Variants in SLC15A3 observed in about 807,000 individuals in gnomAD.
SLC15A3 encodes solute carrier family 15 member 3.
In SLC15A3, 39 loss-of-function variants were observed where a neutral mutation model predicts 49.2. That is an observed-to-expected ratio of 0.79 (90% CI 0.61 to 1.04). The LOEUF (loss-of-function observed/expected upper bound fraction) is 1.04, where lower values mean the gene tolerates loss of function less well. SLC15A3 is among the 50% of genes least tolerant of loss of function. The pLI, the probability that SLC15A3 is intolerant of heterozygous loss-of-function variation, is 0.00. For missense variants in SLC15A3, 758 were observed against 794.8 expected (o/e 0.95, Z 0.56); for synonymous variants, 339 against 367.0 (o/e 0.92, Z 0.87).
rs1378204369 is a variant in SLC15A3, at chr11:60,951,537, G to A, written c.15C>T (p.Arg5=). Residue 5 remains arginine (R), a synonymous_variant, in exon 1 of 8, where the codon CGC becomes CGT. Transcript: ENST00000227880. ...CGGGCACGCGGGGCTGCTCCCGGGC[G>A]CGCGGCGCGGGCATCCTGGCTCCGG... MPAP[R]AREQPRVPGE... is the part of the protein sequence containing the mutation. The A allele has an allele frequency of 5.2e-6, 6 of 1,145,020 alleles. No individual in the cohort carries two copies. The highest frequency in any genetic ancestry group is 6.4e-6 in the Non-Finnish European group (6 of 931,192). 70.9% of individuals were successfully genotyped at this position (1,145,020 alleles called of 1,614,324 possible).
chr11:60,944,354 A>G (rs2134932571), intron 2 of SLC15A3, among the ~76,000 whole-genome samples: 1 of 152,288 alleles, frequency 6.6e-6, no homozygotes, highest in Non-Finnish European at 1.5e-5. Context: ...CAAGGCCAGC[A>G]TCCTTACTAT....
intron 7 of SLC15A3, 111 bp downstream of exon 7, chr11:60,937,759 G>A: frequency 7.3e-7 from 1 of 1,371,542 alleles, no homozygotes; most frequent in Non-Finnish European, 9.9e-7. Flanking sequence ...ATTCTCCCAA[G>A]TCTAGCCCTC....
At position 60,951,030 on chromosome 11, in the gene SLC15A3, G is replaced by A. The variant is rs1856907339; in HGVS notation, c.522C>T (p.Ser174=). Residue 174 remains serine (S), a synonymous_variant, in exon 1 of 8, where the codon TCC becomes TCT. Coordinates refer to ENST00000227880, the MANE Select transcript of SLC15A3 (RefSeq NM_016582.3). The part of the protein sequence containing the change: ...GLLLLGLAAS[S]VRSNLTSFGA... ...CGAAGGAGGTGAGGTTGCTCCGGAC[G>A]GAGCTGGCGGCCAGGCCGAGTAGCA... The A allele has an allele frequency of 1.0e-5, 15 of 1,496,310 alleles. No individual in the cohort carries two copies. Among genetic ancestry groups the A allele is most frequent in the Non-Finnish European group, 1.2e-5 (14 of 1,130,118 alleles). The allele number at this position is 1,496,310 out of a possible 1,614,324, so 92.7% of individuals were successfully genotyped here.
At position 60,940,866 on chromosome 11, in the gene SLC15A3, C is replaced by T. The variant is rs1329740190; in HGVS notation, c.1276+256G>A. 5 of 358,262 alleles carry T rather than the reference C, an allele frequency of 1.4e-5. No homozygotes were observed. In the South Asian group the frequency reaches 3.3e-4, roughly 24 times the overall value. 22.2% of individuals were successfully genotyped at this position (358,262 alleles called of 1,614,324 possible). ...AATAAAAAAAGAAAAACTATCTCTG[C>T]CTTCAAGGAGCTGATAATTCACTGG... On this transcript the variant is annotated intron_variant, in intron 5 of 7. Coordinates refer to ENST00000227880, the MANE Select transcript of SLC15A3 (RefSeq NM_016582.3).
chr11:60,948,036 T>C (rs1008031919), intron 1 of SLC15A3, among the ~76,000 whole-genome samples: 1 of 152,242 alleles, frequency 6.6e-6, no homozygotes, highest in African/African-American at 2.4e-5. Flanking sequence ...CAGGATCCAT[T>C]ACTGCCTTTC....
chr11:60,939,160 T>C (rs1017638255), intron 6 of SLC15A3, among the ~76,000 whole-genome samples: 1 of 152,192 alleles, frequency 6.6e-6, no homozygotes, highest in Non-Finnish European at 1.5e-5. Context: ...ATATTGGAGT[T>C]CACCTTCAGT....
intron 1 of SLC15A3, among the ~76,000 whole-genome samples, chr11:60,948,497 C>A (rs1856837276): frequency 6.6e-6 from 1 of 152,184 alleles, no homozygotes; most frequent in Non-Finnish European, 1.5e-5. Flanking sequence ...TAGCTGTTGC[C>A]AGATGGTGCC....
intron 1 of SLC15A3, 72 bp from the exon 2 acceptor site, chr11:60,946,893 T>C: frequency 6.7e-7 from 1 of 1,494,234 alleles, no homozygotes; most frequent in Non-Finnish European, 8.9e-7. Flanking sequence ...TACCCCTCCC[T>C]CCTACAGAGA....
chr11:60,948,471 C>T (rs547553645), intron 1 of SLC15A3, among the ~76,000 whole-genome samples: 45 of 152,322 alleles, frequency 3.0e-4, no homozygotes, highest in South Asian at 6.2e-4. Context: ...ATGTGAAACA[C>T]GCAGCTCCTG....
In SLC15A3 at chr11:60,951,201, C is replaced by T; in HGVS notation, c.351G>A (p.Leu117=). The T allele has an allele frequency of 6.7e-7, 1 of 1,500,556 alleles. No individual in the cohort carries two copies. The highest frequency in any genetic ancestry group is 8.8e-7 in the Non-Finnish European group (1 of 1,131,808). 93.0% of individuals were successfully genotyped at this position (1,500,556 alleles called of 1,614,324 possible). ...CGTCGGGGAAGGCGGTGGCGGGCAG[C>T]AGGCCCGAGGCGGCCAGGTAGAGCA... ...SLLLYLAASG[L]LPATAFPDGR... The change falls in exon 1 of 8, where the codon CTG becomes CTA. Residue 117 remains leucine (L), a synonymous_variant. Transcript: ENST00000227880.
chr11:60,941,112 CT>C lies in SLC15A3; in HGVS notation c.1276+9del. On this transcript the variant is annotated intron_variant, in intron 5 of 7. Transcript: ENST00000227880. ...AAGTTCAGCCCCCTGCCCCACACCC[CT>C]CTGCACACCTGCCACAATGACGGAG... The C allele has an allele frequency of 1.2e-6, 2 of 1,610,542 alleles. No individual in the cohort carries two copies. Among genetic ancestry groups the C allele is most frequent in the South Asian group, 2.2e-5 (2 of 90,352 alleles).
intron 1 of SLC15A3, among the ~76,000 whole-genome samples, chr11:60,947,198 TTGA>T (rs1249133004): frequency 6.6e-6 from 1 of 152,116 alleles, no homozygotes; most frequent in East Asian, 1.9e-4. Context: ...TTTTTTTTTT[TTGA>T]GACAGTCTTG....
intron 1 of SLC15A3, among the ~76,000 whole-genome samples, chr11:60,949,199 G>C (rs751419159): frequency 3.9e-5 from 6 of 151,900 alleles, no homozygotes; most frequent in Non-Finnish European, 8.8e-5. Flanking sequence ...TAGCCAGCGT[G>C]GTAGCGGGCA....
chr11:60,948,812 G>A (rs1856842636), intron 1 of SLC15A3, among the ~76,000 whole-genome samples: 1 of 152,180 alleles, frequency 6.6e-6, no homozygotes, highest in South Asian at 2.1e-4. Flanking sequence ...GATGCCACGG[G>A]AGGCTCTGCT....
Position 60,951,836 on chromosome 11 carries a change from C to T in SLC15A3, c.-285G>A, listed in dbSNP as rs1253254272. ...CTTCCTCCCCGCGCCTCTCCTGCAG[C>T]TGTTTCTCCCTAACTCTCCCCTCTC... On this transcript the variant is annotated 5_prime_UTR_variant, in exon 1 of 8. Transcript: ENST00000227880. 2.9e-5 allele frequency: 5 copies of T among 169,980 alleles called. No homozygotes were observed. Among genetic ancestry groups the T allele is most frequent in the Non-Finnish European group, 6.2e-5 (5 of 80,118 alleles). The allele number at this position is 169,980 out of a possible 1,614,324, so 10.5% of individuals were successfully genotyped here. A position where few individuals can be genotyped will look rare whatever the true frequency, so the allele number is the denominator to read the frequency against.
At chr11:60,943,652 A>G in intron 3 of SLC15A3, 37 bp downstream of exon 3, 1 of 1,472,596 alleles carries the variant, frequency 6.8e-7, no homozygotes, top group Non-Finnish European at 9.1e-7. Flanking sequence ...GTGAGTGGGG[A>G]GCCAGGCCCC....
intron 1 of SLC15A3, among the ~76,000 whole-genome samples, chr11:60,949,062 G>A (rs1026790152): frequency 2.0e-5 from 3 of 152,216 alleles, no homozygotes; most frequent in Admixed American, 1.3e-4. Context: ...CTGGCCGGTC[G>A]CAGTGGCTCA....
Position 60,941,222 on chromosome 11 carries a change from G to A in SLC15A3, c.1176C>T (p.Arg392=), listed in dbSNP as rs1856703911. ...VVLILVPLKD[R]LIDPLLLRCK... Reference sequence around the variant, plus strand: ...ACCGCAGCAGTAAAGGGTCGATCAAGCGGTCCTTCAGAGGGACCAGAATCA... The same window carrying A: ...ACCGCAGCAGTAAAGGGTCGATCAAACGGTCCTTCAGAGGGACCAGAATCA... The change falls in exon 5 of 8, where the codon CGC becomes CGT. Residue 392 remains arginine, a synonymous_variant. Coordinates refer to ENST00000227880, the MANE Select transcript of SLC15A3 (RefSeq NM_016582.3). The A allele has an allele frequency of 6.2e-7, 1 of 1,614,168 alleles. No individual in the cohort carries two copies. Among genetic ancestry groups the A allele is most frequent in the African/African-American group, 1.3e-5 (1 of 75,066 alleles).
chr11:60,949,552 G>GAA (rs1252095135), intron 1 of SLC15A3, among the ~76,000 whole-genome samples: 1 of 76,968 alleles, frequency 1.3e-5, no homozygotes, highest in Non-Finnish European at 3.7e-5. Flanking sequence ...AAGAAAGAAA[G>GAA]AAAGAAAGAA....
Sources: allele counts gnomAD v4.1 joint callset (sites outside exome capture counted in the v4.1 genomes callset), GRCh38; gene constraint gnomAD v4.1.1; transcripts MANE v1.5; gene names NCBI Gene and HGNC (gene_info 2026-07-23, HGNC 2026-07-21).